The following FCAR variants were observed in gnomAD, a reference collection of about 807,000 sequenced individuals.
FCAR encodes the protein Fc alpha receptor.
Under a neutral mutation model 27.1 loss-of-function variants are expected in FCAR, and 21 were observed. The observed-to-expected ratio is 0.77, with a 90% confidence interval of 0.55 to 1.11. The LOEUF is 1.11. Ranked by LOEUF, FCAR falls within the 50% of genes most tolerant of loss-of-function variation. FCAR has a pLI of 0.00. For synonymous variants in FCAR, 134 were observed against 135.8 expected (o/e 0.99, Z 0.09); for missense variants, 404 against 358.4 (o/e 1.13, Z -1.03).
intron 1 of FCAR, 134 bp downstream of exon 1, chr19:54,874,457 G>A (rs545680294): frequency 6.5e-5 from 54 of 832,384 alleles, no homozygotes; most frequent in East Asian, 4.2e-4. Flanking sequence ...TGGAAAGGCC[G>A]TCTTTGTCAA....
At chr19:54,884,441 GGC>G (rs1271951827) in intron 2 of FCAR, among the ~76,000 whole-genome samples, 2 of 152,052 alleles carry the variant, frequency 1.3e-5, no homozygotes, top group Non-Finnish European at 2.9e-5. Flanking sequence ...AGACCAGCCT[GGC>G]CAACATGGTG....
intron 3 of FCAR, among the ~76,000 whole-genome samples, chr19:54,887,610 G>A (rs2066813246): frequency 6.9e-6 from 1 of 145,638 alleles, no homozygotes; most frequent in Non-Finnish European, 1.5e-5. Flanking sequence ...GACAGAGTGA[G>A]ACTCCATCTC....
intron 2 of FCAR, chr19:54,880,889 A>G (rs188414571): frequency 6.6e-6 from 1 of 152,226 alleles, no homozygotes; most frequent in Admixed American, 6.5e-5. Context: ...CAATCCGGTA[A>G]ATGATGCTTC....
chr19:54,881,538 GA>G (rs1446670062), intron 2 of FCAR, among the ~76,000 whole-genome samples: 1 of 152,078 alleles, frequency 6.6e-6, no homozygotes, highest in Non-Finnish European at 1.5e-5. Flanking sequence ...AGGGAGAGGA[GA>G]CTGAGCTCCT....
intron 1 of FCAR, 136 bp from the exon 2 acceptor site, chr19:54,875,194 C>T (rs1436160576): frequency 3.1e-6 from 2 of 654,244 alleles, no homozygotes; most frequent in Non-Finnish European, 5.3e-6. Context: ...AATGCCAGCT[C>T]TTCTTTATAT....
Position 54,885,408 on chromosome 19 carries a change from G to A in FCAR, c.244G>A (p.Asp82Asn). Residue 82 changes from aspartate to asparagine, a missense_variant, in exon 3 of 5, where the codon GAT (aspartate) becomes AAT (asparagine). Asp to Asn is a conservative substitution (Grantham distance 23, BLOSUM62 1). Coordinates refer to ENST00000355524, the MANE Select transcript of FCAR (RefSeq NM_002000.4). ...GRRLKFWNETDPEFVIDHMDA... is the reference protein window; with the variant it reads ...GRRLKFWNETNPEFVIDHMDA... ...AAGACTGAAGTTTTGGAATGAGACT[G>A]ATCCTGAGTTCGTCATTGACCACAT... 2 of 1,614,026 alleles carry A rather than the reference G, an allele frequency of 1.2e-6. No individual in the cohort carries two copies. The highest frequency in any genetic ancestry group is 1.7e-6 in the Non-Finnish European group (2 of 1,179,980).
chr19:54,876,633 A>G (rs1286985926), intron 2 of FCAR, among the ~76,000 whole-genome samples: 1 of 152,012 alleles, frequency 6.6e-6, no homozygotes, highest in East Asian at 1.9e-4. Context: ...AGATTTGTGT[A>G]TATTGGCCGG....
chr19:54,890,052 C>T lies in FCAR; in HGVS notation c.*189C>T. ...CTCGGCTCATTGAACCTCTTGGGTT[C>T]AAGTGATTCTTGTGCCTCAGCCTCC... On this transcript the variant is annotated 3_prime_UTR_variant, in exon 5 of 5. Transcript: ENST00000355524. The T allele has an allele frequency of 1.7e-6, 1 of 592,064 alleles. No individual in the cohort carries two copies. Among genetic ancestry groups the T allele is most frequent in the Non-Finnish European group, 3.0e-6 (1 of 332,810 alleles). 36.7% of individuals were successfully genotyped at this position (592,064 alleles called of 1,614,324 possible). A position where few individuals can be genotyped will look rare whatever the true frequency, so the allele number is the denominator to read the frequency against.
At chr19:54,875,816 C>T (rs989041120) in intron 2 of FCAR, among the ~76,000 whole-genome samples, 1 of 152,220 alleles carries the variant, frequency 6.6e-6, no homozygotes, top group African/African-American at 2.4e-5. Flanking sequence ...TCTTAGTGTA[C>T]TACTGAATAT....
At chr19:54,885,622 A>C in intron 3 of FCAR, 97 bp downstream of exon 3, 1 of 921,558 alleles carries the variant, frequency 1.1e-6, no homozygotes, top group Non-Finnish European at 1.6e-6. Context: ...AACAAAAAAA[A>C]ATTGATGATT....
Position 54,875,381 on chromosome 19 carries a change from A to G in FCAR, c.70+16A>G, listed in dbSNP as rs746135976. 1.9e-6 allele frequency: 3 copies of G among 1,610,828 alleles called. No individual in the cohort carries two copies. In the African/African-American group the frequency reaches 4.0e-5, roughly 22 times the overall value. On this transcript the variant is annotated intron_variant, in intron 2 of 4. Transcript: ENST00000355524. Reference sequence around the variant, plus strand: ...GCACAGGAAGGTAAGTGTCCTGTAAATCTCTCCCAGCCCCTTTAGACCCTC... The same window carrying G: ...GCACAGGAAGGTAAGTGTCCTGTAAGTCTCTCCCAGCCCCTTTAGACCCTC...
chr19:54,878,387 A>G (rs1196461462), intron 2 of FCAR, among the ~76,000 whole-genome samples: 1 of 152,120 alleles, frequency 6.6e-6, no homozygotes, highest in African/African-American at 2.4e-5. Context: ...TGTTTGCCTC[A>G]ATGATCTAAT....
intron 2 of FCAR, among the ~76,000 whole-genome samples, chr19:54,877,748 C>A (rs192255171): frequency 3.9e-5 from 6 of 152,104 alleles, no homozygotes; most frequent in Non-Finnish European, 8.8e-5. Flanking sequence ...AAACTTCCCC[C>A]TTAACACTGC....
At chr19:54,881,647 C>A (rs587642237) in intron 2 of FCAR, among the ~76,000 whole-genome samples, 2 of 151,910 alleles carry the variant, frequency 1.3e-5, no homozygotes, top group African/African-American at 2.4e-5. Flanking sequence ...CCGAGGCGGG[C>A]GGATCACGAG....
chr19:54,890,989 G>A lies in FCAR; in HGVS notation c.*1126G>A, dbSNP rs763395882. ...TTATTTCACAAACCCTATTTCTACCGGATTTTCATACAAGGAATACAGGCA... is the reference window on the plus strand; with the variant it reads ...TTATTTCACAAACCCTATTTCTACCAGATTTTCATACAAGGAATACAGGCA... On this transcript the variant is annotated 3_prime_UTR_variant, in exon 5 of 5. Transcript: ENST00000355524. 1.3e-5 allele frequency: 2 copies of A among 151,906 alleles called. No homozygotes were observed. The highest frequency in any genetic ancestry group is 2.4e-5 in the African/African-American group (1 of 41,360). The allele number at this position is 151,906 out of a possible 1,614,324, so 9.4% of individuals were successfully genotyped here.
At position 54,888,217 on chromosome 19, in the gene FCAR, A is replaced by G. The variant is rs745425505; in HGVS notation, c.572A>G (p.Tyr191Cys). The G allele has an allele frequency of 6.2e-6, 10 of 1,614,048 alleles. No homozygotes were observed. The East Asian group carries it at 2.0e-4, about 32-fold the overall frequency. ...GTGGACCTCAATGTCTCAGGGATCTACAGGTGCTACGGTTGGTACAACAGG... is the reference window on the plus strand; with the variant it reads ...GTGGACCTCAATGTCTCAGGGATCTGCAGGTGCTACGGTTGGTACAACAGG... ...GPVDLNVSGI[Y>C]RCYGWYNRSP... is the part of the protein sequence containing the mutation. Residue 191 changes from tyrosine to cysteine, a missense_variant, in exon 4 of 5, where the codon TAC becomes TGC. Coordinates refer to ENST00000355524, the MANE Select transcript of FCAR (RefSeq NM_002000.4).
At chr19:54,878,934 A>C (rs1219423196) in intron 2 of FCAR, among the ~76,000 whole-genome samples, 1 of 134,814 alleles carries the variant, frequency 7.4e-6, no homozygotes, top group African/African-American at 2.9e-5. Flanking sequence ...GCTGGAGTGC[A>C]GTGGTATGAT....
chr19:54,886,606 C>T (rs12974530), intron 3 of FCAR, among the ~76,000 whole-genome samples: 48,251 of 151,454 alleles, frequency 0.32, 7,974 homozygotes, highest in Admixed American at 0.44. Flanking sequence ...ACGCCCGGCC[C>T]CCGAAAATGC....
At position 54,888,273 on chromosome 19, in the gene FCAR, G is replaced by T. The variant is rs146084856; in HGVS notation, c.628G>T (p.Ala210Ser). The T allele has an allele frequency of 3.5e-4, 558 of 1,614,104 alleles. 9 individuals carry two copies. In the South Asian group the frequency reaches 5.9e-3, roughly 17 times the overall value. The change falls in exon 4 of 5, where the codon GCC becomes TCC. Residue 210 changes from alanine (A) to serine (S), a missense_variant. Physicochemically the swap from Ala to Ser is moderately conservative, Grantham distance 99. Transcript: ENST00000355524. ...SPYLWSFPSN[A>S]LELVVTDSIH... is the part of the protein sequence containing the mutation. ...CTACCTGTGGTCCTTCCCCAGTAAT[G>T]CCTTGGAGCTTGTGGTCACAGGTAG...
Sources: allele counts gnomAD v4.1 joint callset (sites outside exome capture counted in the v4.1 genomes callset), GRCh38; gene constraint gnomAD v4.1.1; transcripts MANE v1.5; gene names NCBI Gene and HGNC (gene_info 2026-07-23, HGNC 2026-07-21).